Variants in KAT6B observed in about 807,000 individuals in gnomAD.
KAT6B encodes lysine acetyltransferase 6B.
In KAT6B, 10 loss-of-function variants were observed where a neutral mutation model predicts 187.5. That is an observed-to-expected ratio of 0.05 (90% CI 0.03 to 0.09). The LOEUF (loss-of-function observed/expected upper bound fraction) is 0.09, where lower values mean the gene tolerates loss of function less well. Among genes scored for constraint, KAT6B ranks in the 10% least tolerant of loss-of-function variants. The pLI is 1.00. For missense variants in KAT6B, 1,952 were observed against 2,558.9 expected (o/e 0.76, Z 5.12); for synonymous variants, 861 against 926.8 (o/e 0.93, Z 1.29).
rs187548384 is a variant in KAT6B, at chr10:74,932,056, A to G, written c.622-27914A>G. Reference sequence around the variant, plus strand: ...TATATGTGTGTTCTCTCCCCATGTGATTTGTAAACCCTCCAAGGCTTGGGT... The same window carrying G: ...TATATGTGTGTTCTCTCCCCATGTGGTTTGTAAACCCTCCAAGGCTTGGGT... On this transcript the variant is annotated intron_variant, in intron 3 of 17. Coordinates refer to ENST00000287239, the MANE Select transcript of KAT6B (RefSeq NM_012330.4). Among the ~76,000 whole-genome samples, 325 of 152,218 alleles carry G rather than the reference A, an allele frequency of 2.1e-3. 1 individual carries two copies. The highest frequency in any genetic ancestry group is 3.9e-3 in the Non-Finnish European group (265 of 68,014).
chr10:74,866,727 C>G (rs964387957), intron 3 of KAT6B, among the ~76,000 whole-genome samples: 3 of 152,228 alleles, frequency 2.0e-5, no homozygotes, highest in South Asian at 4.2e-4. Flanking sequence ...GAGCCTGAGG[C>G]CTGCTCTCTC....
rs559510776 is a variant in KAT6B, at chr10:74,999,580, A to G, written c.2629+10468A>G. Among the ~76,000 whole-genome samples the G allele has an allele frequency of 1.1e-4, 17 of 152,374 alleles. No individual in the cohort carries two copies. The South Asian group carries it at 3.5e-3, about 32-fold the overall frequency. ...GGGAGATAATGGTGTTAGGAAAACC[A>G]GAAGAGGTCAGTATTTCAACAGTAA... On this transcript the variant is annotated intron_variant, in intron 13 of 17. Coordinates refer to ENST00000287239, the MANE Select transcript of KAT6B (RefSeq NM_012330.4).
At chr10:74,834,595 T>C (rs1841138776) in intron 1 of KAT6B, among the ~76,000 whole-genome samples, 1 of 152,210 alleles carries the variant, frequency 6.6e-6, no homozygotes, top group Non-Finnish European at 1.5e-5. Flanking sequence ...CATAGCCCAC[T>C]GTGGCCTCAA....
chr10:74,947,688 G>A (rs1487734401), intron 3 of KAT6B, among the ~76,000 whole-genome samples: 1 of 149,946 alleles, frequency 6.7e-6, no homozygotes, highest in Non-Finnish European at 1.5e-5. Flanking sequence ...ACCCTTAGTA[G>A]GCTTTCTACT....
At position 74,926,619 on chromosome 10, in the gene KAT6B, G is replaced by A. The variant is rs190617460; in HGVS notation, c.622-33351G>A. ...ACATGTTGGGCATGTTGTAGTTGTCGTTACTAGCAAGACACACCTACCCTT... is the reference window on the plus strand; with the variant it reads ...ACATGTTGGGCATGTTGTAGTTGTCATTACTAGCAAGACACACCTACCCTT... On this transcript the variant is annotated intron_variant, in intron 3 of 17. Coordinates refer to ENST00000287239, the MANE Select transcript of KAT6B (RefSeq NM_012330.4). Among the ~76,000 whole-genome samples the A allele has an allele frequency of 5.9e-5, 9 of 152,302 alleles. No homozygotes were observed. The East Asian group carries it at 1.5e-3, about 26-fold the overall frequency.
intron 13 of KAT6B, among the ~76,000 whole-genome samples, chr10:74,998,044 G>A (rs1430201551): frequency 2.6e-5 from 4 of 152,142 alleles, no homozygotes; most frequent in South Asian, 2.1e-4. Flanking sequence ...CCTGAGCGGC[G>A]GAGGTTGCAG....
intron 3 of KAT6B, 123 bp from the exon 4 acceptor site, chr10:74,959,847 G>A (rs1468308806): frequency 1.4e-6 from 1 of 703,040 alleles, no homozygotes; most frequent in African/African-American, 1.8e-5. Flanking sequence ...ACGTTATTTA[G>A]CAGTTTTTCT....
chr10:74,998,187 C>T (rs1288988494), intron 13 of KAT6B, among the ~76,000 whole-genome samples: 1 of 120,254 alleles, frequency 8.3e-6, no homozygotes, highest in Non-Finnish European at 1.7e-5. Flanking sequence ...TTATGGAGCT[C>T]AAGCATTTCT....
At chr10:74,946,220 A>T (rs1046895885) in intron 3 of KAT6B, among the ~76,000 whole-genome samples, 7 of 152,234 alleles carry the variant, frequency 4.6e-5, no homozygotes, top group Non-Finnish European at 8.8e-5. Flanking sequence ...TTATTGGCAT[A>T]AAGTTGTTAA....
chr10:74,890,950 C>A (rs1387772361), intron 3 of KAT6B, among the ~76,000 whole-genome samples: 1 of 152,102 alleles, frequency 6.6e-6, no homozygotes, highest in African/African-American at 2.4e-5. Context: ...TCTCTGCCTT[C>A]CAGCATTTGC....
At chr10:74,840,572 G>A (rs1841673526) in intron 2 of KAT6B, among the ~76,000 whole-genome samples, 1 of 152,176 alleles carries the variant, frequency 6.6e-6, no homozygotes, top group Non-Finnish European at 1.5e-5. Context: ...GCCTCAAAAA[G>A]TGACAAATTA....
Position 75,029,109 on chromosome 10 carries a change from G to A in KAT6B, c.4285G>A (p.Glu1429Lys), listed in dbSNP as rs1846114839. The stretch of plus-strand genomic sequence containing the variant: ...CAACGAGGACCATGATGCCGATGAC[G>A]AGGATGACAGCCACATGGAGTCTGC... ...SHNEDHDADD[E>K]DDSHMESAEV... is the part of the protein sequence containing the mutation. Residue 1429 changes from glutamate to lysine, a missense_variant, in exon 18 of 18, where the codon GAG becomes AAG. This residue lies in a region of KAT6B where 758 missense variants were observed against 891.4 expected (regional missense o/e 0.85). Transcript: ENST00000287239. This position sits in a 1 kb window ranked among gnomAD's most constrained non-coding sequence, Gnocchi z 6.2. 1.2e-6 allele frequency: 2 copies of A among 1,614,180 alleles called. No individual in the cohort carries two copies. The highest frequency in any genetic ancestry group is 1.7e-6 in the Non-Finnish European group (2 of 1,180,026).
chr10:75,030,939 C>T lies in KAT6B; in HGVS notation c.6115C>T (p.Gln2039Ter). 1 of 1,614,138 alleles carries T rather than the reference C, an allele frequency of 6.2e-7. No individual in the cohort carries two copies. The highest frequency in any genetic ancestry group is 8.5e-7 in the Non-Finnish European group (1 of 1,180,032). ...GTQPYAQQPMQTPPHGNMMYT... is the reference protein window; with the variant it reads ...GTQPYAQQPM ...CCAGCCATATGCCCAGCAGCCAATG[C>T]AGACCCCACCCCACGGTAACATGAT... The change falls in exon 18 of 18, where the codon CAG becomes TAG. Residue 2039 changes from glutamine to a stop codon, truncating the protein, a stop_gained. Coordinates refer to ENST00000287239, the MANE Select transcript of KAT6B (RefSeq NM_012330.4). LOFTEE classifies it high-confidence loss of function. The surrounding 1 kb of genome is among the most constrained non-coding windows in gnomAD (Gnocchi z 4.8).
At chr10:74,982,346 GTTTCC>G in intron 11 of KAT6B, 2 of 210,400 alleles carry the variant, frequency 9.5e-6, no homozygotes, top group Non-Finnish European at 9.7e-6. Context: ...AACCACCTGT[GTTTCC>G]ATCCACTTCT....
intron 3 of KAT6B, among the ~76,000 whole-genome samples, chr10:74,938,468 G>T (rs1044234452): frequency 3.2e-4 from 49 of 152,058 alleles, no homozygotes; most frequent in African/African-American, 1.1e-3. Flanking sequence ...AAGAGAAGAT[G>T]AAGTGGAAAA....
intron 10 of KAT6B, among the ~76,000 whole-genome samples, chr10:74,979,940 C>T (rs901630063): frequency 6.6e-6 from 1 of 152,198 alleles, no homozygotes; most frequent in African/African-American, 2.4e-5. Flanking sequence ...GGGTGGATCA[C>T]CTGAGGTTAG....
chr10:74,834,589 G>A (rs923252868), intron 1 of KAT6B, among the ~76,000 whole-genome samples: 6 of 152,082 alleles, frequency 3.9e-5, no homozygotes, highest in African/African-American at 1.4e-4. Flanking sequence ...CACAATCATA[G>A]CCCACTGTGG....
chr10:74,943,053 G>A (rs1849811420), intron 3 of KAT6B, among the ~76,000 whole-genome samples: 1 of 152,146 alleles, frequency 6.6e-6, no homozygotes, highest in African/African-American at 2.4e-5. Context: ...AGTGTCTCTA[G>A]TTTTAGACCA....
At chr10:74,882,788 TC>T (rs1311904235) in intron 3 of KAT6B, among the ~76,000 whole-genome samples, 1 of 152,230 alleles carries the variant, frequency 6.6e-6, no homozygotes, top group Non-Finnish European at 1.5e-5. Context: ...CCTGATAAAG[TC>T]CAGTTAAAAC....
Sources: gnomAD v4.1 joint callset for allele counts (sites outside exome capture counted in the v4.1 genomes callset) on GRCh38, gnomAD v4.1.1 for gene constraint, gnomAD v4.1.1 regional missense constraint, Gnocchi (gnomAD v3.1) non-coding constraint, MANE v1.5 for transcripts, NCBI Gene and HGNC (gene_info 2026-07-23, HGNC 2026-07-21) for gene names.